Variants in DHX32 observed in about 807,000 individuals in gnomAD.
DHX32 encodes the protein DEAH-box helicase 32 (putative).
A neutral mutation model predicts 70.0 loss-of-function variants in DHX32; 51 were observed. The ratio of observed to expected loss-of-function variants is 0.73; its 90% CI spans 0.58 to 0.92. The LOEUF is 0.92. Ranked by LOEUF, DHX32 falls within the 40% of genes least tolerant of loss-of-function variation. The pLI, the probability that DHX32 is intolerant of heterozygous loss-of-function variation, is 0.00. For missense variants in DHX32, 762 were observed against 891.8 expected (o/e 0.85, Z 1.85); for synonymous variants, 310 against 315.3 (o/e 0.98, Z 0.18).
At chr10:125,886,909 G>C (rs1208647449) in intron 1 of DHX32, among the ~76,000 whole-genome samples, 1 of 152,306 alleles carries the variant, frequency 6.6e-6, no homozygotes, top group Non-Finnish European at 1.5e-5. Context: ...GGGGACTCTT[G>C]AACCGTTTGT....
upstream of DHX32, among the ~76,000 whole-genome samples, chr10:125,882,331 T>A (rs914852629): frequency 1.3e-5 from 2 of 152,240 alleles, no homozygotes; most frequent in African/African-American, 4.8e-5. Flanking sequence ...TTACCTTAAT[T>A]ATTGCTTTAG....
chr10:125,888,786 G>A (rs574996688), intron 1 of DHX32, among the ~76,000 whole-genome samples: 87 of 152,392 alleles, frequency 5.7e-4, no homozygotes, highest in Admixed American at 2.3e-3. Flanking sequence ...CTGGCCAGGC[G>A]TGGTGATTCA....
At chr10:125,846,955 A>G (rs915419420) in intron 6 of DHX32, among the ~76,000 whole-genome samples, 1 of 152,240 alleles carries the variant, frequency 6.6e-6, no homozygotes, top group Non-Finnish European at 1.5e-5. Flanking sequence ...AGACCCCTGC[A>G]TTAATGTATA....
upstream of DHX32, among the ~76,000 whole-genome samples, chr10:125,884,967 T>C (rs1270411592): frequency 6.6e-6 from 1 of 152,168 alleles, no homozygotes; most frequent in Non-Finnish European, 1.5e-5. Flanking sequence ...CTCATGGCTT[T>C]AGTGCCATCC....
At chr10:125,847,516 C>T (rs892161552) in intron 6 of DHX32, among the ~76,000 whole-genome samples, 1 of 152,150 alleles carries the variant, frequency 6.6e-6, no homozygotes, top group East Asian at 1.9e-4. Flanking sequence ...CTACTGTGTG[C>T]CAGGTACATG....
chr10:125,880,683 A>G lies in DHX32; in HGVS notation c.142T>C (p.Tyr48His). Residue 48 changes from tyrosine (Y) to histidine (H), a missense_variant, in exon 1 of 11, where the codon TAT becomes CAT. Physicochemically the swap from Tyr to His is moderately conservative, Grantham distance 83. Transcript: ENST00000284690. ...AGAAGTTTATAATAACGTGATGAAT[A>G]TGGCAATCCATCAAAGGGGTTAAGT... ...LELNPFDGLP[Y>H]SSRYYKLLKE... 1 of 1,614,218 alleles carries G rather than the reference A, an allele frequency of 6.2e-7. No homozygotes were observed. The highest frequency in any genetic ancestry group is 8.5e-7 in the Non-Finnish European group (1 of 1,180,044).
upstream of DHX32, among the ~76,000 whole-genome samples, chr10:125,883,771 G>T (rs936540964): frequency 1.3e-5 from 2 of 152,130 alleles, no homozygotes; most frequent in East Asian, 1.9e-4. Flanking sequence ...TTTTCATTGT[G>T]ACTCAAGGTC....
rs371564794 is a variant in DHX32 at position 125,866,967 on chromosome 10, C to A, written c.476+23G>T. 20 of 1,600,282 alleles carry A rather than the reference C, an allele frequency of 1.2e-5. No homozygotes were observed. The East Asian group carries it at 1.8e-4, about 14-fold the overall frequency. On this transcript the variant is annotated intron_variant, in intron 2 of 10. Coordinates refer to ENST00000284690, the MANE Select transcript of DHX32 (RefSeq NM_018180.3). This position sits in a 1 kb window ranked among gnomAD's most constrained non-coding sequence, Gnocchi z 4.8. ...TAAGCCAAGAATCATCAGCAGGGAG[C>A]GGACTGAACCCCACAAACCAACCTC... is the stretch of plus-strand genomic sequence containing the variant.
At chr10:125,869,500 TGGCA>T (rs1944243334) in intron 1 of DHX32, 1 of 151,480 alleles carries the variant, frequency 6.6e-6, no homozygotes, top group Non-Finnish European at 1.5e-5. Flanking sequence ...CGCTTAAACC[TGGCA>T]GGCAGAGGTT....
At chr10:125,839,554 A>G (rs1159455941) in intron 8 of DHX32, among the ~76,000 whole-genome samples, 4 of 152,236 alleles carry the variant, frequency 2.6e-5, no homozygotes, top group Non-Finnish European at 5.9e-5. Context: ...TGCATACAGC[A>G]TGTATGTATG....
At chr10:125,874,656 G>A (rs779131468) in intron 1 of DHX32, among the ~76,000 whole-genome samples, 19 of 152,158 alleles carry the variant, frequency 1.2e-4, no homozygotes, top group Non-Finnish European at 1.9e-4. Flanking sequence ...ATAACACGAA[G>A]CCCTGTTTCT....
intron 2 of DHX32, among the ~76,000 whole-genome samples, chr10:125,863,583 G>T (rs1046528216): frequency 9.2e-5 from 14 of 151,972 alleles, no homozygotes; most frequent in African/African-American, 2.7e-4. Context: ...GAGCAGCTGG[G>T]ACTATAGGCA....
chr10:125,852,679 A>G (rs1299044828), intron 4 of DHX32, 37 bp from the exon 5 acceptor site: 2 of 1,562,776 alleles, frequency 1.3e-6, no homozygotes, highest in Non-Finnish European at 8.7e-7. Context: ...GCGTCAGATA[A>G]GTCATGATTC....
At chr10:125,867,520 A>G (rs1391112000) in intron 1 of DHX32, among the ~76,000 whole-genome samples, 2 of 152,096 alleles carry the variant, frequency 1.3e-5, no homozygotes, top group Admixed American at 1.3e-4. Flanking sequence ...GCGGATCACG[A>G]AGTCAGGAGA....
At chr10:125,849,297 A>G (rs1285979486) in intron 6 of DHX32, among the ~76,000 whole-genome samples, 5 of 152,226 alleles carry the variant, frequency 3.3e-5, no homozygotes, top group Non-Finnish European at 1.5e-5. Flanking sequence ...TAAGCCATAT[A>G]GTTCCCAGGC....
exon 1 of DHX32, chr10:125,896,313 G>A (rs544866634): frequency 8.6e-6 from 1 of 116,832 alleles, no homozygotes; most frequent in African/African-American, 4.1e-5. Context: ...GCGGGTCGGC[G>A]ACAGCGGGGA....
intron 2 of DHX32, 148 bp from the exon 3 acceptor site, chr10:125,860,123 C>A: frequency 1.5e-6 from 1 of 683,254 alleles, no homozygotes; most frequent in Non-Finnish European, 2.4e-6. Flanking sequence ...TAAGTTGATA[C>A]AATCTACAGA....
intron 10 of DHX32, 99 bp from the exon 11 acceptor site, chr10:125,836,954 C>G: frequency 1.0e-6 from 1 of 987,268 alleles, no homozygotes. Flanking sequence ...GAGAATCTAC[C>G]TGTAGAACCG....
In DHX32 at chr10:125,846,468, T is replaced by C. The variant is rs1944021955; in HGVS notation, c.1352-4534A>G. 2.0e-5 allele frequency among the ~76,000 whole-genome samples: 3 copies of C among 152,222 alleles called. No individual in the cohort carries two copies. The South Asian group carries it at 6.2e-4, about 31-fold the overall frequency. The stretch of plus-strand genomic sequence containing the variant: ...CCTCATAAGGGTGAGGCTCAAATTA[T>C]TATTTGCTCTCAGTCTGTTTTGAGT... On this transcript the variant is annotated intron_variant, in intron 6 of 10. Transcript: ENST00000284690.
Sources: gnomAD v4.1 joint callset for allele counts (sites outside exome capture counted in the v4.1 genomes callset) on GRCh38, gnomAD v4.1.1 for gene constraint, Gnocchi (gnomAD v3.1) non-coding constraint, MANE v1.5 for transcripts, NCBI Gene and HGNC (gene_info 2026-07-23, HGNC 2026-07-21) for gene names.